NOX4: variants seen among roughly 807,000 people sequenced by gnomAD.
NOX4 encodes the protein kidney oxidase-1.
A neutral mutation model predicts 87.6 loss-of-function variants in NOX4; 69 were observed. That is an observed-to-expected ratio of 0.79 (90% CI 0.65 to 0.96). The LOEUF is 0.96. NOX4 is among the 40% of genes least tolerant of loss of function. The probability of loss-of-function intolerance (pLI) is 0.00; values close to 1 mark genes in which losing one functional copy is unlikely to be tolerated. For missense variants in NOX4, 680 were observed against 681.5 expected, an observed-to-expected ratio of 1.00 and a Z score of 0.02; for synonymous variants, 275 against 238.2, an observed-to-expected ratio of 1.15 and a Z score of -1.42.
chr11:89,542,757 T>TG, the NOX4 span, among the ~76,000 whole-genome samples: 3 of 152,194 alleles, frequency 2.0e-5, no homozygotes, highest in Non-Finnish European at 4.4e-5. Context: ...GAACTCAGGT[T>TG]TCTAATTAAA....
At chr11:89,462,113 G>T (rs1441215472) in intron 2 of NOX4, among the ~76,000 whole-genome samples, 1 of 151,794 alleles carries the variant, frequency 6.6e-6, no homozygotes, top group Non-Finnish European at 1.5e-5. Context: ...ATATTTTAAA[G>T]ATTTTATTTT....
chr11:89,415,250 C>G (rs1403325214), intron 8 of NOX4, among the ~76,000 whole-genome samples: 1 of 151,888 alleles, frequency 6.6e-6, no homozygotes, highest in Non-Finnish European at 1.5e-5. Context: ...TTATTATGAA[C>G]AGTATAATTA....
intron 11 of NOX4, among the ~76,000 whole-genome samples, chr11:89,379,891 C>G (rs928067752): frequency 6.6e-6 from 1 of 152,178 alleles, no homozygotes; most frequent in Non-Finnish European, 1.5e-5. Flanking sequence ...AACTGGACCC[C>G]CTGTTTCTGC....
intron 7 of NOX4, among the ~76,000 whole-genome samples, chr11:89,429,952 T>A (rs1943687700): frequency 6.6e-6 from 1 of 152,184 alleles, no homozygotes; most frequent in African/African-American, 2.4e-5. Flanking sequence ...GGAAAAATCC[T>A]CAATAAAATA....
At chr11:89,350,151 G>A (rs922625567) in intron 13 of NOX4, among the ~76,000 whole-genome samples, 2 of 152,154 alleles carry the variant, frequency 1.3e-5, no homozygotes, top group African/African-American at 4.8e-5. Context: ...ATCCTGATGA[G>A]AATGGATGCC....
the NOX4 span, among the ~76,000 whole-genome samples, chr11:89,576,711 C>A: frequency 6.6e-6 from 1 of 152,044 alleles, no homozygotes; most frequent in African/African-American, 2.4e-5. Context: ...ATAGGACATT[C>A]CTTCAATCTT....
chr11:89,438,851 T>A (rs1295803203), intron 6 of NOX4, among the ~76,000 whole-genome samples: 1 of 45,956 alleles, frequency 2.2e-5, no homozygotes, highest in Non-Finnish European at 3.0e-5. Flanking sequence ...ATATATTATA[T>A]AATATATTAT....
chr11:89,483,469 ACAT>A (rs1946472799), intron 2 of NOX4, among the ~76,000 whole-genome samples: 1 of 152,136 alleles, frequency 6.6e-6, no homozygotes, highest in South Asian at 2.1e-4. Flanking sequence ...GACCTGAAGG[ACAT>A]CAAGTTAAGT....
intron 17 of NOX4, 147 bp downstream of exon 17, chr11:89,335,698 T>C: frequency 2.0e-6 from 1 of 500,716 alleles, no homozygotes; most frequent in Non-Finnish European, 3.6e-6. Context: ...CCTGCCTTAC[T>C]TCTTCCTTTG....
intron 8 of NOX4, among the ~76,000 whole-genome samples, chr11:89,416,724 C>T (rs1422408423): frequency 1.3e-5 from 2 of 152,056 alleles, no homozygotes; most frequent in Non-Finnish European, 1.5e-5. Context: ...CCACTGTGCT[C>T]CCCTGGCATA....
chr11:89,466,536 T>A (rs1444468194), intron 2 of NOX4, among the ~76,000 whole-genome samples: 2 of 152,334 alleles, frequency 1.3e-5, no homozygotes, highest in East Asian at 1.9e-4. Flanking sequence ...GTCTGTACTT[T>A]TAAAGTAAGT....
At chr11:89,527,466 A>G in the NOX4 span, among the ~76,000 whole-genome samples, 1 of 152,206 alleles carries the variant, frequency 6.6e-6, no homozygotes, top group Admixed American at 6.5e-5. Flanking sequence ...AAGGGTCTTT[A>G]TAGCAGCCCC....
chr11:89,329,356 G>GAAAAAAAAAAA (rs377055666), intron 17 of NOX4, among the ~76,000 whole-genome samples: 146 of 34,510 alleles, frequency 4.2e-3, no homozygotes, highest in East Asian at 6.9e-3. Flanking sequence ...GAAAAAAACT[G>GAAAAAAAAAAA]AAAAAAAAAA....
intron 13 of NOX4, among the ~76,000 whole-genome samples, chr11:89,345,811 C>T (rs1475224254): frequency 2.0e-5 from 3 of 152,068 alleles, no homozygotes; most frequent in Non-Finnish European, 4.4e-5. Context: ...ATAATAAGAG[C>T]CATCTATGAC....
the NOX4 span, among the ~76,000 whole-genome samples, chr11:89,515,369 T>C: frequency 6.6e-6 from 1 of 151,930 alleles, no homozygotes; most frequent in Non-Finnish European, 1.5e-5. Flanking sequence ...ATAGCTTCTT[T>C]TGTAAAATAT....
chr11:89,469,893 C>G (rs921510311), intron 2 of NOX4, among the ~76,000 whole-genome samples: 4 of 151,934 alleles, frequency 2.6e-5, no homozygotes, highest in South Asian at 4.2e-4. Context: ...TTTCTACTAC[C>G]AAACTTCTGA....
At chr11:89,516,399 C>A in the NOX4 span, among the ~76,000 whole-genome samples, 1 of 152,080 alleles carries the variant, frequency 6.6e-6, no homozygotes, top group African/African-American at 2.4e-5. Context: ...AAAACACTGT[C>A]AAGGTATACT....
chr11:89,511,052 T>G, the NOX4 span, among the ~76,000 whole-genome samples: 1 of 152,106 alleles, frequency 6.6e-6, no homozygotes, highest in African/African-American at 2.4e-5. Flanking sequence ...TGTGTCGTGC[T>G]ATATGTAGGT....
At chr11:89,546,842 C>T in the NOX4 span, 1 of 152,156 alleles carries the variant, frequency 6.6e-6, no homozygotes, top group Non-Finnish European at 1.5e-5. Context: ...ATTACAAGGG[C>T]AGAGACCTCA....
Sources: gnomAD v4.1 joint callset for allele counts (sites outside exome capture counted in the v4.1 genomes callset) on GRCh38, gnomAD v4.1.1 for gene constraint, MANE v1.5 for transcripts, NCBI Gene and HGNC (gene_info 2026-07-23, HGNC 2026-07-21) for gene names.